FGR: variants seen among roughly 807,000 people sequenced by gnomAD.
FGR encodes the protein FGR proto-oncogene, Src family tyrosine kinase.
FGR carries 26 observed loss-of-function variants against 63.2 expected under a neutral mutation model. That is an observed-to-expected ratio of 0.41 (90% CI 0.30 to 0.57). The LOEUF (loss-of-function observed/expected upper bound fraction) is 0.57. Ranked by LOEUF, FGR falls within the 20% of genes least tolerant of loss-of-function variation. FGR has a pLI of 0.27. For synonymous variants in FGR, 286 were observed against 277.7 expected, an observed-to-expected ratio of 1.03 and a Z score of -0.30; for missense variants, 511 against 690.8, an observed-to-expected ratio of 0.74 and a Z score of 2.92.
In FGR at chr1:27,621,228, G is replaced by A. The variant is rs2089919554; in HGVS notation, c.428+331C>T. 2.0e-5 allele frequency among the ~76,000 whole-genome samples: 3 copies of A among 152,136 alleles called. No homozygotes were observed. The South Asian group carries it at 6.2e-4, about 32-fold the overall frequency. On this transcript the variant is annotated intron_variant, in intron 5 of 12. Transcript: ENST00000374005. ...CCCAACTATCTGGGTTCATACATCA[G>A]CTCCACCACTCACTAGCCATGTGAA...
chr1:27,616,243 G>A lies in FGR; in HGVS notation c.683-399C>T, dbSNP rs2089810152. 2.6e-5 allele frequency among the ~76,000 whole-genome samples: 4 copies of A among 152,182 alleles called. No homozygotes were observed. In the South Asian group the frequency reaches 6.2e-4, roughly 24 times the overall value. On this transcript the variant is annotated intron_variant, in intron 7 of 12. Coordinates refer to ENST00000374005, the MANE Select transcript of FGR (RefSeq NM_005248.3). The surrounding 1 kb of genome is among the most constrained non-coding windows in gnomAD (Gnocchi z 4.3). ...TGGCATAACCAATCAAGGCAGAAAC[G>A]TGGGCATTGACTCCTGCCTTCCCTT...
At chr1:27,621,060 G>C (rs55881095) in intron 5 of FGR, among the ~76,000 whole-genome samples, 14,856 of 99,690 alleles carry the variant, frequency 0.15, 2,027 homozygotes, top group African/African-American at 0.39. Flanking sequence ...AAAAGAAAAA[G>C]AAAAAGAAAA....
intron 1 of FGR, among the ~76,000 whole-genome samples, chr1:27,628,555 A>ACACG (rs1467881971): frequency 6.8e-6 from 1 of 146,618 alleles, no homozygotes; most frequent in East Asian, 2.0e-4. Context: ...ACACACACAC[A>ACACG]CAGATATACA....
Position 27,615,835 on chromosome 1 carries a change from T to A in FGR, c.692A>T (p.Asp231Val), listed in dbSNP as rs2231878. 955 of 1,588,866 alleles carry A rather than the reference T, an allele frequency of 6.0e-4. 1 individual carries two copies. Among genetic ancestry groups the A allele is most frequent in the Non-Finnish European group, 7.8e-4 (906 of 1,166,952 alleles). The part of the protein sequence containing the change: ...ELVQHYMEVN[D>V]GLCNLLIAPC... The stretch of plus-strand genomic sequence containing the variant: ...CGCGATGAGCAGGTTGCACAGCCCG[T>A]CATTCACCTCTAGGGGAGGGGTCAT... Residue 231 changes from aspartate to valine, a missense_variant, in exon 8 of 13, where the codon GAC becomes GTC. By Grantham distance (152) the Asp-to-Val change is radical (BLOSUM62 -3). Transcript: ENST00000374005. This position sits in a 1 kb window ranked among gnomAD's most constrained non-coding sequence, Gnocchi z 7.6.
At position 27,614,729 on chromosome 1, in the gene FGR, A is replaced by C. The variant is rs2089767536; in HGVS notation, c.1095+121T>G. On this transcript the variant is annotated intron_variant, in intron 10 of 12. Transcript: ENST00000374005. ...AAGAGAGGCAGTACCTCTCAGGCAC[A>C]GCTGGAGGCACAGCTGATGCAGGGG... 2.3e-6 allele frequency: 3 copies of C among 1,318,408 alleles called. No individual in the cohort carries two copies. In the Admixed American group the frequency reaches 6.2e-5, roughly 27 times the overall value. The allele number at this position is 1,318,408 out of a possible 1,614,324, so 81.7% of individuals were successfully genotyped here.
Position 27,614,724 on chromosome 1 carries a change from G to A in FGR, c.1095+126C>T, listed in dbSNP as rs1248682174. ...CCAGAAAGAGAGGCAGTACCTCTCA[G>A]GCACAGCTGGAGGCACAGCTGATGC... On this transcript the variant is annotated intron_variant, in intron 10 of 12. Transcript: ENST00000374005. 9 of 1,322,180 alleles carry A rather than the reference G, an allele frequency of 6.8e-6. No individual in the cohort carries two copies. The Admixed American group carries it at 8.3e-5, about 12-fold the overall frequency. 81.9% of individuals were successfully genotyped at this position (1,322,180 alleles called of 1,614,324 possible). A position where few individuals can be genotyped will look rare whatever the true frequency, so the allele number is the denominator to read the frequency against.
At position 27,621,630 on chromosome 1, in the gene FGR, A is replaced by G; in HGVS notation, c.357T>C (p.Ser119=). The G allele has an allele frequency of 6.2e-7, 1 of 1,613,968 alleles. No homozygotes were observed. The highest frequency in any genetic ancestry group is 8.5e-7 in the Non-Finnish European group (1 of 1,179,930). Reference sequence around the variant, plus strand: ...TGCAGCCAGTTTTTCCGGAGCTGAGAGACCGAGCCTCCCACCAGTCACCTT... The same window carrying G: ...TGCAGCCAGTTTTTCCGGAGCTGAGGGACCGAGCCTCCCACCAGTCACCTT... ...NTEGDWWEAR[S]LSSGKTGCIP... The change falls in exon 5 of 13, where the codon TCT becomes TCC. Residue 119 remains serine, a synonymous_variant. Transcript: ENST00000374005.
intron 1 of FGR, among the ~76,000 whole-genome samples, chr1:27,634,331 T>C (rs1382139721): frequency 5.9e-5 from 9 of 152,096 alleles, no homozygotes; most frequent in Admixed American, 5.9e-4. Flanking sequence ...CGGAGAGGCC[T>C]GTCCCTGCCG....
chr1:27,634,488 C>T (rs1311834192), intron 1 of FGR, among the ~76,000 whole-genome samples: 2 of 152,210 alleles, frequency 1.3e-5, no homozygotes, highest in Non-Finnish European at 2.9e-5. Flanking sequence ...GGGCTGTGGG[C>T]TTCACCCCGA....
intron 5 of FGR, 147 bp downstream of exon 5, chr1:27,621,412 C>A (rs982040703): frequency 1.1e-5 from 7 of 625,524 alleles, no homozygotes; most frequent in Non-Finnish European, 2.1e-5. Context: ...TCAGTACAAT[C>A]TTCTTTTGTT....
chr1:27,623,772 G>A lies in FGR; in HGVS notation c.145C>T (p.His49Tyr). ...GAGAAGTTGCTGTAGTTGGGGATGT[G>A]GGCAAATGAGGATGCAGGCCGGGCC... Reference protein sequence around the residue: ...TKARPASSFAHIPNYSNFSSQ... With the variant: ...TKARPASSFAYIPNYSNFSSQ... Residue 49 changes from histidine to tyrosine, a missense_variant, in exon 3 of 13, where the codon CAC becomes TAC. Coordinates refer to ENST00000374005, the MANE Select transcript of FGR (RefSeq NM_005248.3). The A allele has an allele frequency of 6.2e-7, 1 of 1,614,216 alleles. No individual in the cohort carries two copies. The highest frequency in any genetic ancestry group is 8.5e-7 in the Non-Finnish European group (1 of 1,180,034).
In FGR at chr1:27,615,582, C is replaced by T; in HGVS notation, c.870G>A (p.Val290=). The change falls in exon 9 of 13, where the codon GTG becomes GTA. Residue 290 remains valine (V), a synonymous_variant. Transcript: ENST00000374005. The surrounding 1 kb of genome is among the most constrained non-coding windows in gnomAD (Gnocchi z 7.6). ...GTWNGSTKVA[V]KTLKPGTMSP... The stretch of plus-strand genomic sequence containing the variant: ...ACATGGTGCCCGGCTTCAGCGTCTT[C>T]ACCGCCACCTTAGTGCTGCCGTTCC... 1 of 1,613,036 alleles carries T rather than the reference C, an allele frequency of 6.2e-7. No individual in the cohort carries two copies.
chr1:27,620,611 T>G (rs1198219341), intron 5 of FGR, among the ~76,000 whole-genome samples: 5 of 152,066 alleles, frequency 3.3e-5, no homozygotes, highest in Non-Finnish European at 7.4e-5. Context: ...AGCACGCCCC[T>G]GTCTCTTAAA....
chr1:27,629,412 G>T (rs1436779531), intron 1 of FGR, among the ~76,000 whole-genome samples: 1 of 152,024 alleles, frequency 6.6e-6, no homozygotes, highest in Non-Finnish European at 1.5e-5. Flanking sequence ...CAGAGACAAA[G>T]AGACAGAGGC....
Position 27,613,272 on chromosome 1 carries a change from G to C in FGR, c.1328C>G (p.Ser443Cys), listed in dbSNP as rs1449343830. 6.2e-7 allele frequency: 1 copy of C among 1,614,176 alleles called. No homozygotes were observed. The highest frequency in any genetic ancestry group is 1.7e-5 in the Admixed American group (1 of 60,024). The change falls in exon 12 of 13, where the codon TCC becomes TGC. Residue 443 changes from serine to cysteine, a missense_variant. Physicochemically the swap from Ser to Cys is moderately radical, Grantham distance 112. Transcript: ENST00000374005. The part of the protein sequence containing the change: ...GRFTIKSDVW[S>C]FGILLTELIT... The stretch of plus-strand genomic sequence containing the variant: ...GAGCTCAGTGAGCAGGATCCCAAAG[G>C]ACCACACGTCTGACTTGATGGTGAA...
At chr1:27,620,300 G>A (rs1263121716) in intron 5 of FGR, among the ~76,000 whole-genome samples, 11 of 152,054 alleles carry the variant, frequency 7.2e-5, no homozygotes, top group Admixed American at 4.6e-4. Context: ...CTGGGCAACA[G>A]AGCAAGACTC....
At chr1:27,621,450 A>C in intron 5 of FGR, 109 bp downstream of exon 5, 1 of 729,632 alleles carries the variant, frequency 1.4e-6, no homozygotes, top group Non-Finnish European at 2.5e-6. Context: ...AAATTATTAG[A>C]TAAGGAGACA....
Sources: gnomAD v4.1 joint callset for allele counts (sites outside exome capture counted in the v4.1 genomes callset) on GRCh38, gnomAD v4.1.1 for gene constraint, Gnocchi (gnomAD v3.1) non-coding constraint, MANE v1.5 for transcripts, NCBI Gene and HGNC (gene_info 2026-07-23, HGNC 2026-07-21) for gene names.